MYZAP: variants seen among roughly 807,000 people sequenced by gnomAD.
MYZAP encodes myocardial zonula adherens protein.
A neutral mutation model predicts 69.4 loss-of-function variants in MYZAP; 66 were observed. The ratio of observed to expected loss-of-function variants is 0.95; its 90% CI spans 0.78 to 1.17. The LOEUF (loss-of-function observed/expected upper bound fraction) is 1.17. Among genes scored for constraint, MYZAP ranks in the 50% most tolerant of loss-of-function variants. The probability of loss-of-function intolerance (pLI) is 0.00; values close to 1 mark genes in which losing one functional copy is unlikely to be tolerated. For synonymous variants in MYZAP, 256 were observed against 205.9 expected, an observed-to-expected ratio of 1.24 and a Z score of -2.09; for missense variants, 611 against 556.2, an observed-to-expected ratio of 1.10 and a Z score of -0.99.
At chr15:57,630,461 C>A (rs1164716775) in intron 6 of MYZAP, among the ~76,000 whole-genome samples, 2 of 152,168 alleles carry the variant, frequency 1.3e-5, no homozygotes, top group African/African-American at 4.8e-5. Flanking sequence ...CTTTGAGGTC[C>A]CAAGGCCTTT....
Position 57,667,300 on chromosome 15 carries a change from A to C in MYZAP, c.1203+5767A>C, listed in dbSNP as rs578151641. On this transcript the variant is annotated intron_variant, in intron 11 of 12. Transcript: ENST00000267853. ...CGAGCTGCCCACACCCCTGGGCCTG[A>C]GGGGAATGGTGGGGGAGGTGACCGC... Among the ~76,000 whole-genome samples, 287 of 152,358 alleles carry C rather than the reference A, an allele frequency of 1.9e-3. 3 individuals carry two copies. The highest frequency in any genetic ancestry group is 3.5e-3 in the Admixed American group (53 of 15,300).
intron 1 of MYZAP, among the ~76,000 whole-genome samples, chr15:57,600,172 A>C (rs1463848683): frequency 6.6e-6 from 1 of 152,214 alleles, no homozygotes. Context: ...ACATTTGGCT[A>C]TCTTGTAAGG....
intron 12 of MYZAP, among the ~76,000 whole-genome samples, chr15:57,676,484 C>T (rs941592272): frequency 7.1e-4 from 102 of 144,234 alleles, no homozygotes; most frequent in African/African-American, 2.4e-3. Flanking sequence ...ATATAGACTC[C>T]GGATCTCATC....
intron 1 of MYZAP, among the ~76,000 whole-genome samples, chr15:57,597,279 GGAGGCTTAAAATAGCCATGTC>G (rs1291891885): frequency 5.3e-5 from 8 of 152,148 alleles, no homozygotes; most frequent in African/African-American, 1.9e-4. Flanking sequence ...AGAATCACTG[GGAGGCTTAAAATAGCCATGTC>G]GAGGCCTCAT....
At chr15:57,606,176 C>T (rs568019961) in intron 2 of MYZAP, among the ~76,000 whole-genome samples, 108 of 152,262 alleles carry the variant, frequency 7.1e-4, no homozygotes, top group Non-Finnish European at 1.4e-3. Context: ...AGGGACAGTA[C>T]CTTCACAGTG....
chr15:57,615,068 G>A (rs1187892571), intron 2 of MYZAP, among the ~76,000 whole-genome samples: 1 of 152,072 alleles, frequency 6.6e-6, no homozygotes, highest in Non-Finnish European at 1.5e-5. Flanking sequence ...CTCCCCAGCG[G>A]GTAGAGTCCT....
chr15:57,621,144 C>T (rs2035782329), intron 3 of MYZAP, among the ~76,000 whole-genome samples: 1 of 147,538 alleles, frequency 6.8e-6, no homozygotes, highest in Admixed American at 6.8e-5. Flanking sequence ...GGGTGACCTT[C>T]TCCCTTAATT....
intron 8 of MYZAP, among the ~76,000 whole-genome samples, chr15:57,634,427 C>T (rs533654957): frequency 2.0e-5 from 3 of 152,276 alleles, no homozygotes; most frequent in African/African-American, 7.2e-5. Flanking sequence ...CTGGGAATGG[C>T]TCCCTGGCTG....
In MYZAP at chr15:57,596,030, G is replaced by T. The variant is rs1443675012; in HGVS notation, c.75+3921G>T. ...AATGATGGTTGTAGGCTCAGAAAAA[G>T]AGGTGCCCAGCTCTATGCTTTTGAT... On this transcript the variant is annotated intron_variant, in intron 1 of 12. Transcript: ENST00000267853. 3.9e-5 allele frequency among the ~76,000 whole-genome samples: 6 copies of T among 152,196 alleles called. No homozygotes were observed. In the East Asian group the frequency reaches 1.2e-3, roughly 29 times the overall value.
chr15:57,651,531 C>G (rs540224543), intron 10 of MYZAP, among the ~76,000 whole-genome samples: 9 of 152,308 alleles, frequency 5.9e-5, no homozygotes, highest in Non-Finnish European at 8.8e-5. Context: ...GTTGTCATCA[C>G]TGGGAGGATG....
intron 1 of MYZAP, chr15:57,599,409 G>C: frequency 9.3e-7 from 1 of 1,070,234 alleles, no homozygotes; most frequent in Admixed American, 4.5e-5. Context: ...TATTTCACAA[G>C]TAATAGGTGC....
At chr15:57,600,190 G>A (rs2034323925) in intron 1 of MYZAP, among the ~76,000 whole-genome samples, 1 of 152,182 alleles carries the variant, frequency 6.6e-6, no homozygotes, top group Non-Finnish European at 1.5e-5. Context: ...AGGAAGATGT[G>A]TGATTCTGTT....
intron 12 of MYZAP, among the ~76,000 whole-genome samples, chr15:57,683,199 C>T (rs1442820030): frequency 1.3e-5 from 2 of 152,094 alleles, no homozygotes; most frequent in Non-Finnish European, 2.9e-5. Context: ...AGAGGGATGC[C>T]GCCAACTACC....
At chr15:57,592,530 G>C (rs1451428894) in intron 1 of MYZAP, among the ~76,000 whole-genome samples, 2 of 152,108 alleles carry the variant, frequency 1.3e-5, no homozygotes, top group Admixed American at 1.3e-4. Context: ...TAGTGATAGG[G>C]TATCCACTAG....
At chr15:57,593,001 T>G (rs1365513407) in intron 1 of MYZAP, among the ~76,000 whole-genome samples, 1 of 152,166 alleles carries the variant, frequency 6.6e-6, no homozygotes, top group Non-Finnish European at 1.5e-5. Context: ...ACTGGTTCTG[T>G]CTGCGTGCAG....
chr15:57,657,089 G>A (rs1025144877), intron 10 of MYZAP, among the ~76,000 whole-genome samples: 2 of 152,106 alleles, frequency 1.3e-5, no homozygotes, highest in Non-Finnish European at 1.5e-5. Context: ...ACAGTGACCA[G>A]TAGGATCCTC....
chr15:57,680,070 T>A (rs1452071924), intron 12 of MYZAP, among the ~76,000 whole-genome samples: 1 of 152,206 alleles, frequency 6.6e-6, no homozygotes, highest in African/African-American at 2.4e-5. Context: ...GCAATCCCTT[T>A]GGAAGCTTGT....
intron 1 of MYZAP, among the ~76,000 whole-genome samples, chr15:57,600,679 G>A (rs769139713): frequency 1.3e-5 from 2 of 152,182 alleles, no homozygotes; most frequent in Non-Finnish European, 2.9e-5. Context: ...CAGTGTTAAT[G>A]TCTCTGATTC....
At chr15:57,684,347 T>G in intron 12 of MYZAP, 55 bp from the exon 13 acceptor site, 2 of 1,117,710 alleles carry the variant, frequency 1.8e-6, no homozygotes, top group Non-Finnish European at 2.7e-6. Context: ...ATGTGAAGCA[T>G]ATGGGGGGTT....
Sources: gnomAD v4.1 joint callset for allele counts (sites outside exome capture counted in the v4.1 genomes callset) on GRCh38, gnomAD v4.1.1 for gene constraint, MANE v1.5 for transcripts, NCBI Gene and HGNC (gene_info 2026-07-23, HGNC 2026-07-21) for gene names.